CPEB1: variants seen among roughly 807,000 people sequenced by gnomAD.
The protein encoded by CPEB1 is cytoplasmic polyadenylation element-binding protein 1.
CPEB1 carries 7 observed loss-of-function variants against 65.8 expected under a neutral mutation model. That is an observed-to-expected ratio of 0.11 (90% CI 0.06 to 0.20). CPEB1 has a LOEUF of 0.20. Among genes scored for constraint, CPEB1 ranks in the 10% least tolerant of loss-of-function variants. CPEB1 has a pLI of 1.00. For missense variants in CPEB1, 551 were observed against 712.2 expected, an observed-to-expected ratio of 0.77 and a Z score of 2.58; for synonymous variants, 262 against 260.0, an observed-to-expected ratio of 1.01 and a Z score of -0.08.
Position 82,550,684 on chromosome 15 carries a change from T to C in CPEB1, c.1282-1026A>G, listed in dbSNP as rs187402629. Among the ~76,000 whole-genome samples, 4 of 152,214 alleles carry C rather than the reference T, an allele frequency of 2.6e-5. No homozygotes were observed. In the East Asian group the frequency reaches 7.7e-4, roughly 29 times the overall value. On this transcript the variant is annotated intron_variant, in intron 9 of 12. Coordinates refer to ENST00000684509, the MANE Select transcript of CPEB1 (RefSeq NM_001365242.1). ...CCCGAAGAAGGATCCCACAGGAAGG[T>C]GAGGCTCAGGTAGGACATGAGGCTA...
chr15:82,605,403 G>A (rs2043476086), intron 3 of CPEB1, among the ~76,000 whole-genome samples: 1 of 152,126 alleles, frequency 6.6e-6, no homozygotes, highest in South Asian at 2.1e-4. Context: ...GGCGGGATAA[G>A]AAGGTATTGG....
At chr15:82,646,976 C>T (rs2047614838) in intron 1 of CPEB1, 161 bp downstream of exon 1, 2 of 152,646 alleles carry the variant, frequency 1.3e-5, no homozygotes, top group African/African-American at 4.8e-5. Flanking sequence ...CTGGCCTCGT[C>T]CGGCACTGAG....
At chr15:82,609,762 G>A (rs1237121975) in intron 3 of CPEB1, among the ~76,000 whole-genome samples, 1 of 151,866 alleles carries the variant, frequency 6.6e-6, no homozygotes, top group Non-Finnish European at 1.5e-5. Context: ...AAGTAAAAAA[G>A]AATATAAATT....
At chr15:82,615,723 C>A (rs1385241334) in intron 3 of CPEB1, among the ~76,000 whole-genome samples, 3 of 152,066 alleles carry the variant, frequency 2.0e-5, no homozygotes, top group Admixed American at 6.6e-5. Flanking sequence ...TGGAATGTGA[C>A]TGAAAACTCA....
intron 3 of CPEB1, among the ~76,000 whole-genome samples, chr15:82,591,955 C>T (rs943307162): frequency 2.6e-5 from 4 of 151,634 alleles, no homozygotes; most frequent in African/African-American, 9.7e-5. Context: ...GCCATCCTCC[C>T]ACCTCACCCT....
intron 1 of CPEB1, among the ~76,000 whole-genome samples, chr15:82,643,667 A>C (rs2047276029): frequency 6.8e-6 from 1 of 148,028 alleles, no homozygotes; most frequent in Non-Finnish European, 1.5e-5. Flanking sequence ...GAAAAAAAAA[A>C]TGTACATACC....
chr15:82,559,553 T>C (rs1040780279), intron 4 of CPEB1, among the ~76,000 whole-genome samples: 1 of 152,234 alleles, frequency 6.6e-6, no homozygotes, highest in Non-Finnish European at 1.5e-5. Context: ...TTGGTCAATC[T>C]TTTTATATCT....
chr15:82,581,467 AAGG>A (rs2151100802), intron 3 of CPEB1, among the ~76,000 whole-genome samples: 1 of 152,304 alleles, frequency 6.6e-6, no homozygotes, highest in East Asian at 1.9e-4. Flanking sequence ...GTATACCTAG[AAGG>A]AGAATTGCTG....
chr15:82,628,277 T>C (rs921507560), intron 2 of CPEB1, 87 bp downstream of exon 2: 2 of 702,558 alleles, frequency 2.8e-6, no homozygotes, highest in South Asian at 1.5e-5. Context: ...CAGGAAATCA[T>C]GAAAGAAACT....
chr15:82,608,247 G>A (rs1340188879), intron 3 of CPEB1, among the ~76,000 whole-genome samples: 1 of 151,484 alleles, frequency 6.6e-6, no homozygotes, highest in Non-Finnish European at 1.5e-5. Context: ...CAGGCACCTG[G>A]GATATTTAAT....
chr15:82,578,464 G>A (rs952964119), intron 3 of CPEB1, among the ~76,000 whole-genome samples: 2 of 152,124 alleles, frequency 1.3e-5, no homozygotes, highest in Non-Finnish European at 2.9e-5. Flanking sequence ...TATATATACA[G>A]TGTTGAAAAT....
upstream of CPEB1, chr15:82,647,563 CGAGGCCGCCTG>C (rs1567247698): frequency 1.9e-5 from 6 of 308,322 alleles, no homozygotes; most frequent in South Asian, 3.2e-4. Context: ...GACAGACGCT[CGAGGCCGCCTG>C]GAGGCCGCAG....
intron 3 of CPEB1, among the ~76,000 whole-genome samples, chr15:82,588,090 T>G (rs1459967005): frequency 1.4e-5 from 2 of 143,612 alleles, no homozygotes; most frequent in Non-Finnish European, 3.0e-5. Flanking sequence ...TCCAACTAGG[T>G]TTTTTTTTGT....
At chr15:82,633,298 A>C (rs993018481) in intron 1 of CPEB1, 1 of 152,266 alleles carries the variant, frequency 6.6e-6, no homozygotes, top group Non-Finnish European at 1.5e-5. Flanking sequence ...ATAGACACAA[A>C]TACCCTCAAG....
chr15:82,610,952 CA>C (rs1243852853), intron 3 of CPEB1, among the ~76,000 whole-genome samples: 8 of 70,078 alleles, frequency 1.1e-4, no homozygotes, highest in Admixed American at 2.5e-4. Flanking sequence ...AGTGAGACTC[CA>C]GTCTCAAAAA....
intron 3 of CPEB1, among the ~76,000 whole-genome samples, chr15:82,591,689 C>A (rs1387463988): frequency 6.6e-6 from 1 of 152,080 alleles, no homozygotes; most frequent in Non-Finnish European, 1.5e-5. Flanking sequence ...TTCCCTCTAA[C>A]CTCTCCCACC....
At chr15:82,608,343 C>A (rs2043821355) in intron 3 of CPEB1, among the ~76,000 whole-genome samples, 1 of 152,004 alleles carries the variant, frequency 6.6e-6, no homozygotes, top group Non-Finnish European at 1.5e-5. Context: ...GGAGGTAGGT[C>A]AAATACAACC....
chr15:82,564,706 T>A (rs933317502), intron 4 of CPEB1, among the ~76,000 whole-genome samples: 5 of 152,216 alleles, frequency 3.3e-5, no homozygotes, highest in Non-Finnish European at 4.4e-5. Flanking sequence ...ACTCACCGCA[T>A]CACATCTGCG....
intron 4 of CPEB1, chr15:82,562,171 A>C: frequency 2.4e-6 from 1 of 419,226 alleles, no homozygotes; most frequent in Non-Finnish European, 4.7e-6. Context: ...TTTTTTTTTT[A>C]ATCTTTAGGA....
Sources: allele counts gnomAD v4.1 joint callset (sites outside exome capture counted in the v4.1 genomes callset), GRCh38; gene constraint gnomAD v4.1.1; transcripts MANE v1.5; gene names NCBI Gene and HGNC (gene_info 2026-07-23, HGNC 2026-07-21).